The following SETD2 variants were observed in gnomAD, a reference collection of about 807,000 sequenced individuals.
SETD2 encodes the protein SET domain containing 2, histone lysine methyltransferase, also known as histone-lysine N-methyltransferase SETD2.
SETD2 carries 31 observed loss-of-function variants against 242.1 expected under a neutral mutation model. The ratio of observed to expected loss-of-function variants is 0.13; its 90% CI spans 0.10 to 0.17. SETD2 has a LOEUF of 0.17. Ranked by LOEUF, SETD2 falls within the 10% of genes least tolerant of loss-of-function variation. The probability of loss-of-function intolerance (pLI) is 1.00; values close to 1 mark genes in which losing one functional copy is unlikely to be tolerated. For synonymous variants in SETD2, 1,006 were observed against 1,066.5 expected (o/e 0.94, Z 1.11); for missense variants, 2,481 against 3,046.3 (o/e 0.81, Z 4.37).
chr3:47,055,727 C>T (rs1002688531), intron 15 of SETD2, among the ~76,000 whole-genome samples: 22 of 147,290 alleles, frequency 1.5e-4, no homozygotes, highest in East Asian at 6.1e-4. Context: ...AAAGTTCTGC[C>T]GGCCAGGCAC....
chr3:47,137,390 A>G lies in SETD2; in HGVS notation c.72-10727T>C, dbSNP rs929978417. On this transcript the variant is annotated intron_variant, in intron 1 of 20. Transcript: ENST00000409792. ...GTATTTTTAGTAGAGATGGGGTTTC[A>G]CCATGTTGGCCAGGATGGTCTCGAT... 3.3e-5 allele frequency among the ~76,000 whole-genome samples: 5 copies of G among 151,592 alleles called. No individual in the cohort carries two copies. The South Asian group carries it at 1.0e-3, about 32-fold the overall frequency.
chr3:47,095,974 T>G lies in SETD2; in HGVS notation c.5142+1981A>C, dbSNP rs372436561. ...TCTCACTATATTGCCTAGGATGGTCTTGCACTCCTGGGCTCAAGCTATCCT... is the reference window on the plus strand; with the variant it reads ...TCTCACTATATTGCCTAGGATGGTCGTGCACTCCTGGGCTCAAGCTATCCT... On this transcript the variant is annotated intron_variant, in intron 9 of 20. Coordinates refer to ENST00000409792, the MANE Select transcript of SETD2 (RefSeq NM_014159.7). Among the ~76,000 whole-genome samples the G allele has an allele frequency of 3.3e-5, 5 of 152,154 alleles. No homozygotes were observed. The East Asian group carries it at 7.7e-4, about 23-fold the overall frequency.
chr3:47,033,952 T>C (rs1245952076), intron 18 of SETD2, among the ~76,000 whole-genome samples: 1 of 152,142 alleles, frequency 6.6e-6, no homozygotes, highest in Non-Finnish European at 1.5e-5. Flanking sequence ...ATTACAGGCT[T>C]GAGCCACAGG....
At chr3:47,031,361 G>C (rs1345566851) in intron 18 of SETD2, among the ~76,000 whole-genome samples, 1 of 152,064 alleles carries the variant, frequency 6.6e-6, no homozygotes, top group African/African-American at 2.4e-5. Context: ...AGTGACAGGG[G>C]GTATATGGAA....
intron 5 of SETD2, among the ~76,000 whole-genome samples, chr3:47,111,173 T>C (rs1481202339): frequency 6.7e-6 from 1 of 150,258 alleles, no homozygotes. Flanking sequence ...AATGTGCGTC[T>C]GGACTAGAAC....
chr3:47,163,986 G>A lies in SETD2; in HGVS notation c.-62C>T. ...CCGCAGCAGGGCGACGCGGGGGAGG[G>A]GAGGGGAGGAGGCCGCAGGTCCGAC... On this transcript the variant is annotated 5_prime_UTR_variant, in exon 1 of 21. Coordinates refer to ENST00000409792, the MANE Select transcript of SETD2 (RefSeq NM_014159.7). 1.6e-6 allele frequency: 2 copies of A among 1,247,276 alleles called. No individual in the cohort carries two copies. Among genetic ancestry groups the A allele is most frequent in the Non-Finnish European group, 2.0e-6 (2 of 989,362 alleles). The allele number at this position is 1,247,276 out of a possible 1,614,324, so 77.3% of individuals were successfully genotyped here.
At chr3:47,040,602 T>C (rs1474676166) in intron 17 of SETD2, among the ~76,000 whole-genome samples, 1 of 101,380 alleles carries the variant, frequency 9.9e-6, no homozygotes, top group Non-Finnish European at 1.8e-5. Context: ...GGAGACAAGG[T>C]CTTGCTCTGT....
rs777213195 is a variant in SETD2, at chr3:47,121,175, T to C, written c.3461A>G (p.Asp1154Gly). Residue 1154 changes from aspartate (D) to glycine (G), a missense_variant, in exon 3 of 21, where the codon GAT becomes GGT. Physicochemically the swap from Asp to Gly is moderately conservative, Grantham distance 94. Coordinates refer to ENST00000409792, the MANE Select transcript of SETD2 (RefSeq NM_014159.7). ...ATGAGAAAGTTCAGGCAGGCGATTA[T>C]CTATTTGTTTTCTACTGGACTGTGT... ...SFTQSSRKQIDNRLPELSHPQ... is the reference protein window; with the variant it reads ...SFTQSSRKQIGNRLPELSHPQ... 1.2e-6 allele frequency: 2 copies of C among 1,614,132 alleles called. No individual in the cohort carries two copies. The highest frequency in any genetic ancestry group is 1.7e-6 in the Non-Finnish European group (2 of 1,179,976).
In SETD2 at chr3:47,077,040, A is replaced by C. The variant is rs76614443; in HGVS notation, c.6060+6680T>G. 6.6e-3 allele frequency among the ~76,000 whole-genome samples: 1,010 copies of C among 152,336 alleles called. 9 individuals are homozygous for C. The highest frequency in any genetic ancestry group is 0.011 in the Non-Finnish European group (717 of 68,022). On this transcript the variant is annotated intron_variant, in intron 12 of 20. Coordinates refer to ENST00000409792, the MANE Select transcript of SETD2 (RefSeq NM_014159.7). ...GATAAATGTTGTAAAAGTGTAAGTA[A>C]GAAATGGCAGGAGCCTGAATTAAAA...
chr3:47,038,700 T>C (rs1457367996), intron 17 of SETD2, among the ~76,000 whole-genome samples: 1 of 152,126 alleles, frequency 6.6e-6, no homozygotes, highest in East Asian at 1.9e-4. Context: ...GTTTCGGCCA[T>C]GTTAACCCTT....
At chr3:47,060,950 G>T (rs1489749198) in intron 14 of SETD2, among the ~76,000 whole-genome samples, 1 of 152,194 alleles carries the variant, frequency 6.6e-6, no homozygotes, top group Non-Finnish European at 1.5e-5. Context: ...ACAGCCAGGC[G>T]CAGTGGCTCA....
At chr3:47,146,473 C>T (rs1575844438) in intron 1 of SETD2, among the ~76,000 whole-genome samples, 1 of 151,908 alleles carries the variant, frequency 6.6e-6, no homozygotes, top group East Asian at 1.9e-4. Context: ...ACTAAAAATA[C>T]AAAAATTAAC....
At chr3:47,154,269 C>T (rs1049662232) in intron 1 of SETD2, among the ~76,000 whole-genome samples, 2 of 151,398 alleles carry the variant, frequency 1.3e-5, no homozygotes, top group East Asian at 1.9e-4. Flanking sequence ...ATTAGCTGGG[C>T]GTGGTGGTGC....
intron 1 of SETD2, among the ~76,000 whole-genome samples, chr3:47,134,269 G>T (rs940502423): frequency 6.6e-6 from 1 of 152,172 alleles, no homozygotes; most frequent in Non-Finnish European, 1.5e-5. Flanking sequence ...AGTTTGGAAC[G>T]AATGAGTTAA....
At chr3:47,025,047 T>C (rs2038410872) in intron 18 of SETD2, among the ~76,000 whole-genome samples, 1 of 152,216 alleles carries the variant, frequency 6.6e-6, no homozygotes, top group Non-Finnish European at 1.5e-5. Context: ...ATGCCTTCCC[T>C]ATGTCACTCC....
rs776511280 is a variant in SETD2 at position 47,122,090 on chromosome 3, C to T, written c.2546G>A (p.Cys849Tyr). 6.2e-7 allele frequency: 1 copy of T among 1,613,944 alleles called. No homozygotes were observed. Among genetic ancestry groups the T allele is most frequent in the Non-Finnish European group, 8.5e-7 (1 of 1,179,992 alleles). ...RNLTDHSKFA[C>Y]EEYKQSIGST... The stretch of plus-strand genomic sequence containing the variant: ...ACCGATGCTCTGCTTATATTCTTCA[C>T]ATGCAAATTTTGAGTGATCTGTCAA... The change falls in exon 3 of 21, where the codon TGT becomes TAT. Residue 849 changes from cysteine to tyrosine, a missense_variant. This residue lies in a region of SETD2 where 1,300 missense variants were observed against 1,259.2 expected (regional missense o/e 1.03). Transcript: ENST00000409792.
At chr3:47,068,357 G>C (rs1479907008) in intron 12 of SETD2, among the ~76,000 whole-genome samples, 2 of 152,132 alleles carry the variant, frequency 1.3e-5, no homozygotes, top group African/African-American at 4.8e-5. Context: ...CAGATCCAGG[G>C]AAATCTATAT....
intron 14 of SETD2, among the ~76,000 whole-genome samples, chr3:47,059,173 A>G (rs1444421143): frequency 1.5e-5 from 2 of 131,446 alleles, no homozygotes; most frequent in African/African-American, 6.0e-5. Context: ...CTGGTGTGCA[A>G]TGGTGTGATA....
intron 1 of SETD2, among the ~76,000 whole-genome samples, chr3:47,159,056 T>C (rs1315256987): frequency 6.6e-6 from 1 of 151,958 alleles, no homozygotes; most frequent in Non-Finnish European, 1.5e-5. Flanking sequence ...GGTGGGAGAA[T>C]GGCTTGAGCC....
Sources: allele counts gnomAD v4.1 joint callset (sites outside exome capture counted in the v4.1 genomes callset), GRCh38; gene constraint gnomAD v4.1.1; regional missense constraint gnomAD v4.1.1; transcripts MANE v1.5; gene names NCBI Gene and HGNC (gene_info 2026-07-23, HGNC 2026-07-21).